The following ANKFN1 variants were observed in gnomAD, a reference collection of about 807,000 sequenced individuals.
ANKFN1 encodes ankyrin repeat and fibronectin type-III domain-containing protein 1.
A neutral mutation model predicts 108.7 loss-of-function variants in ANKFN1; 74 were observed. That is an observed-to-expected ratio of 0.68 (90% CI 0.56 to 0.83). The LOEUF (loss-of-function observed/expected upper bound fraction) is 0.83, where lower values mean the gene tolerates loss of function less well. Among genes scored for constraint, ANKFN1 ranks in the 40% least tolerant of loss-of-function variants. The pLI is 0.00. For synonymous variants in ANKFN1, 547 were observed against 516.2 expected (o/e 1.06, Z -0.81); for missense variants, 1,505 against 1,382.3 (o/e 1.09, Z -1.41).
chr17:56,178,029 A>G (rs1265932270), intron 1 of ANKFN1, among the ~76,000 whole-genome samples: 1 of 152,234 alleles, frequency 6.6e-6, no homozygotes, highest in African/African-American at 2.4e-5. Context: ...TAATGTAACC[A>G]GCCCTTAAAA....
intron 20 of ANKFN1, among the ~76,000 whole-genome samples, chr17:56,505,443 T>C (rs1229114583): frequency 2.0e-5 from 3 of 152,224 alleles, no homozygotes; most frequent in African/African-American, 7.2e-5. Context: ...CATAGTCCAC[T>C]CATATGTCCA....
intron 4 of ANKFN1, among the ~76,000 whole-genome samples, chr17:56,146,032 C>T (rs1272525509): frequency 2.0e-5 from 3 of 152,184 alleles, no homozygotes; most frequent in African/African-American, 7.2e-5. Context: ...TAAATACACC[C>T]ATTCTAAATG....
At chr17:56,336,726 C>A (rs1466564559) in intron 4 of ANKFN1, among the ~76,000 whole-genome samples, 1 of 152,064 alleles carries the variant, frequency 6.6e-6, no homozygotes, top group East Asian at 1.9e-4. Context: ...TCCTTCAGTT[C>A]TGCTCTGATC....
At chr17:56,408,382 G>A (rs536240205) in intron 8 of ANKFN1, among the ~76,000 whole-genome samples, 107 of 152,210 alleles carry the variant, frequency 7.0e-4, no homozygotes, top group South Asian at 2.5e-3. Flanking sequence ...TTTTCTTCGA[G>A]ACACTCTAGT....
intron 3 of ANKFN1, among the ~76,000 whole-genome samples, chr17:56,281,732 AT>A (rs1294466763): frequency 6.6e-6 from 1 of 152,196 alleles, no homozygotes; most frequent in Non-Finnish European, 1.5e-5. Flanking sequence ...TTAGCAGCAC[AT>A]TTTTTAAGTG....
intron 4 of ANKFN1, among the ~76,000 whole-genome samples, chr17:56,101,452 G>T (rs576920511): frequency 2.0e-5 from 3 of 152,062 alleles, no homozygotes; most frequent in African/African-American, 7.2e-5. Flanking sequence ...TGATTGTTAG[G>T]TCCCCTAGGA....
At chr17:56,414,143 T>A (rs1397827676) in intron 8 of ANKFN1, among the ~76,000 whole-genome samples, 1 of 151,612 alleles carries the variant, frequency 6.6e-6, no homozygotes, top group Non-Finnish European at 1.5e-5. Context: ...TTGGCCTGAA[T>A]TTTTTTTTGT....
chr17:56,424,157 C>A (rs1445524116), intron 8 of ANKFN1, among the ~76,000 whole-genome samples: 10 of 152,166 alleles, frequency 6.6e-5, no homozygotes, highest in Admixed American at 6.5e-4. Context: ...GGGTGACACC[C>A]TTAAAGACAT....
At chr17:56,144,917 C>A in intron 4 of ANKFN1, among the ~76,000 whole-genome samples, 1 of 152,086 alleles carries the variant, frequency 6.6e-6, no homozygotes, top group Non-Finnish European at 1.5e-5. Context: ...TTTCTTTTTC[C>A]TCCTTCTCTT....
intron 15 of ANKFN1, among the ~76,000 whole-genome samples, chr17:56,475,688 T>C (rs1373237297): frequency 1.3e-5 from 2 of 152,206 alleles, no homozygotes; most frequent in Non-Finnish European, 2.9e-5. Flanking sequence ...ATGTATACAA[T>C]GTAGAATGAC....
At chr17:56,455,703 A>G (rs1432001432) in intron 11 of ANKFN1, among the ~76,000 whole-genome samples, 1 of 152,206 alleles carries the variant, frequency 6.6e-6, no homozygotes, top group African/African-American at 2.4e-5. Context: ...CTGTTATAGG[A>G]AGTATAGGAA....
rs377099551 is a variant in ANKFN1 at position 56,457,003 on chromosome 17, G to T, written c.1307+43G>T. 8.4e-6 allele frequency: 13 copies of T among 1,555,120 alleles called. No individual in the cohort carries two copies. The East Asian group carries it at 2.9e-4, about 35-fold the overall frequency. On this transcript the variant is annotated intron_variant, in intron 12 of 20. Coordinates refer to ENST00000682825, the MANE Select transcript of ANKFN1 (RefSeq NM_001370326.1). ...TTTTCAGGAAATCTTAACTTTTCAA[G>T]AATGCACTGGTTTTGGTTCTGAGTA...
At chr17:56,068,888 T>C (rs1006426535) in intron 4 of ANKFN1, among the ~76,000 whole-genome samples, 1 of 152,210 alleles carries the variant, frequency 6.6e-6, no homozygotes, top group African/African-American at 2.4e-5. Flanking sequence ...TTATCACGTA[T>C]GTATTTCTAA....
At chr17:56,382,315 A>G (rs1427079843) in intron 8 of ANKFN1, among the ~76,000 whole-genome samples, 1 of 152,220 alleles carries the variant, frequency 6.6e-6, no homozygotes, top group Non-Finnish European at 1.5e-5. Flanking sequence ...GCCCTAAAAG[A>G]GCTCCTGAAG....
chr17:56,161,811 C>G (rs1323120232), intron 1 of ANKFN1, among the ~76,000 whole-genome samples: 1 of 151,854 alleles, frequency 6.6e-6, no homozygotes, highest in African/African-American at 2.4e-5. Flanking sequence ...TAATTGCTTG[C>G]AAGCTATAGA....
chr17:56,056,168 TGTTG>T (rs1433770986), intron 4 of ANKFN1, among the ~76,000 whole-genome samples: 1 of 152,144 alleles, frequency 6.6e-6, no homozygotes, highest in African/African-American at 2.4e-5. Context: ...TCTTCCATTC[TGTTG>T]GTTGGTTGTT....
chr17:56,343,472 G>T (rs1178726395), intron 4 of ANKFN1, among the ~76,000 whole-genome samples: 4 of 151,632 alleles, frequency 2.6e-5, no homozygotes, highest in Non-Finnish European at 4.4e-5. Flanking sequence ...TAATCTTTTT[G>T]AGGATCCTTG....
At chr17:56,285,661 C>G (rs1416910619) in intron 3 of ANKFN1, among the ~76,000 whole-genome samples, 1 of 152,186 alleles carries the variant, frequency 6.6e-6, no homozygotes, top group Non-Finnish European at 1.5e-5. Flanking sequence ...GCTTGTGACT[C>G]CATAACTGTT....
intron 18 of ANKFN1, among the ~76,000 whole-genome samples, chr17:56,483,162 C>T (rs1438103107): frequency 6.6e-6 from 1 of 152,174 alleles, no homozygotes; most frequent in Admixed American, 6.5e-5. Flanking sequence ...CTTGTCCTGA[C>T]TTTCAAAAAT....
Sources: allele counts gnomAD v4.1 joint callset (sites outside exome capture counted in the v4.1 genomes callset), GRCh38; gene constraint gnomAD v4.1.1; transcripts MANE v1.5; gene names NCBI Gene and HGNC (gene_info 2026-07-23, HGNC 2026-07-21).